The following TJP1 variants were observed in gnomAD, a reference collection of about 807,000 sequenced individuals.
The protein encoded by TJP1 is tight junction protein ZO-1.
TJP1 carries 43 observed loss-of-function variants against 194.2 expected under a neutral mutation model. The observed-to-expected ratio is 0.22, with a 90% CI of 0.17 to 0.29. The LOEUF is 0.29. Ranked by LOEUF, TJP1 falls within the 10% of genes least tolerant of loss-of-function variation. The pLI, the probability that TJP1 is intolerant of heterozygous loss-of-function variation, is 1.00. For missense variants in TJP1, 1,971 were observed against 2,185.7 expected, an observed-to-expected ratio of 0.90 and a Z score of 1.96; for synonymous variants, 801 against 779.0, an observed-to-expected ratio of 1.03 and a Z score of -0.47.
chr15:29,836,598 T>C (rs555700011), intron 2 of TJP1, among the ~76,000 whole-genome samples: 1 of 152,278 alleles, frequency 6.6e-6, no homozygotes, highest in South Asian at 2.1e-4. Flanking sequence ...AGAGTCAACC[T>C]GGGACACAGT....
rs758417874 is a variant in TJP1 at position 29,720,696 on chromosome 15, T to C, written c.2425A>G (p.Thr809Ala). 6.9e-6 allele frequency: 11 copies of C among 1,599,418 alleles called. No individual in the cohort carries two copies. The highest frequency in any genetic ancestry group is 1.1e-5 in the South Asian group (1 of 89,066). ...TCATGCAAATCAAGGTCATCACTTG[T>C]AGCACCATCCGCCTGGGTCAAATAA... ...WVSEGKADGA[T>A]SDDLDLHDDR... Residue 809 changes from threonine to alanine, a missense_variant, in exon 19 of 28, where the codon ACA becomes GCA. Around this residue, in one of 5 missense-constraint regions of TJP1, gnomAD observed 402 missense variants for 484.2 expected, o/e 0.83. Coordinates refer to ENST00000614355, the MANE Select transcript of TJP1 (RefSeq NM_001330239.4).
chr15:29,777,216 T>A (rs2047072140), intron 2 of TJP1, among the ~76,000 whole-genome samples: 1 of 152,218 alleles, frequency 6.6e-6, no homozygotes, highest in Non-Finnish European at 1.5e-5. Flanking sequence ...ACTGAAATTG[T>A]TCTTTTAATC....
chr15:29,906,106 G>A (rs1405654655), intron 2 of TJP1, among the ~76,000 whole-genome samples: 1 of 152,138 alleles, frequency 6.6e-6, no homozygotes, highest in Non-Finnish European at 1.5e-5. Context: ...CTATGCCTAC[G>A]TGGGTGCAAG....
intron 2 of TJP1, among the ~76,000 whole-genome samples, chr15:29,867,288 G>T (rs1394717658): frequency 6.6e-6 from 1 of 152,092 alleles, no homozygotes; most frequent in African/African-American, 2.4e-5. Context: ...TTATGAGCAA[G>T]AAATCAACTG....
rs1310162898 is a variant in TJP1 at position 29,734,326 on chromosome 15, A to G, written c.1464T>C (p.Leu488=). ...TCACTTCTTCTCCTTTAGGGAGGTCAAGCAGGAAAAGGACGGCTTCTTCTC... is the reference window on the plus strand; with the variant it reads ...TCACTTCTTCTCCTTTAGGGAGGTCGAGCAGGAAAAGGACGGCTTCTTCTC... ...IIREEAVLFL[L]DLPKGEEVTI... The change falls in exon 12 of 28, where the codon CTT becomes CTC. Residue 488 remains leucine, a synonymous_variant. Coordinates refer to ENST00000614355, the MANE Select transcript of TJP1 (RefSeq NM_001330239.4). 1 of 1,613,468 alleles carries G rather than the reference A, an allele frequency of 6.2e-7. No individual in the cohort carries two copies. The highest frequency in any genetic ancestry group is 2.2e-5 in the East Asian group (1 of 44,772).
chr15:29,966,571 A>G (rs1248942349), intron 1 of TJP1, among the ~76,000 whole-genome samples: 1 of 152,134 alleles, frequency 6.6e-6, no homozygotes, highest in Non-Finnish European at 1.5e-5. Flanking sequence ...ATTTCCTAAC[A>G]TATTATTTCC....
At chr15:29,788,434 G>A (rs1440307667) in intron 2 of TJP1, among the ~76,000 whole-genome samples, 1 of 152,188 alleles carries the variant, frequency 6.6e-6, no homozygotes, top group African/African-American at 2.4e-5. Flanking sequence ...GAGGTTTAGA[G>A]TTTAAGCTCT....
intron 2 of TJP1, among the ~76,000 whole-genome samples, chr15:29,906,543 G>T (rs2152212178): frequency 6.6e-6 from 1 of 150,786 alleles, no homozygotes; most frequent in South Asian, 2.1e-4. Flanking sequence ...ATTAAAAAAT[G>T]TTCTTGAAAA....
In TJP1 at chr15:29,726,807, C is replaced by A. The variant is rs774200321; in HGVS notation, c.2285G>T (p.Arg762Leu). ...TGTAAAAAGATGGTGATTATTTTTA[C>A]GAAGTTTATGAGATCGCTCGTATAA... ...RKLYERSHKL[R>L]KNNHHLFTTT... Residue 762 changes from arginine (R) to leucine (L), a missense_variant, in exon 17 of 28, where the codon CGT becomes CTT. Coordinates refer to ENST00000614355, the MANE Select transcript of TJP1 (RefSeq NM_001330239.4). The A allele has an allele frequency of 1.1e-5, 18 of 1,614,028 alleles. No individual in the cohort carries two copies. The highest frequency in any genetic ancestry group is 1.5e-5 in the Non-Finnish European group (18 of 1,179,996).
At chr15:29,905,048 T>C (rs183929130) in intron 2 of TJP1, among the ~76,000 whole-genome samples, 1 of 152,336 alleles carries the variant, frequency 6.6e-6, no homozygotes, top group East Asian at 1.9e-4. Context: ...CCTCCAGAAC[T>C]GTGAAAGGAT....
At chr15:29,799,484 G>C (rs933747440) in intron 2 of TJP1, among the ~76,000 whole-genome samples, 2 of 150,934 alleles carry the variant, frequency 1.3e-5, no homozygotes, top group African/African-American at 4.9e-5. Context: ...GCATGATCTC[G>C]GCTCACTGCA....
At chr15:29,711,166 G>A (rs540222026) in intron 23 of TJP1, among the ~76,000 whole-genome samples, 166 bp from the exon 24 acceptor site, 15 of 151,670 alleles carry the variant, frequency 9.9e-5, no homozygotes, top group African/African-American at 3.6e-4. Flanking sequence ...AAACAGATTC[G>A]ACCATTCATC....
At chr15:29,730,043 G>A (rs564228898) in intron 15 of TJP1, among the ~76,000 whole-genome samples, 1 of 151,934 alleles carries the variant, frequency 6.6e-6, no homozygotes, top group Admixed American at 6.6e-5. Flanking sequence ...CGAAACAAAC[G>A]ATATAAAAAA....
In TJP1 at chr15:29,736,506, A is replaced by C. The variant is rs552179796; in HGVS notation, c.1407+758T>G. ...AGAAGCAGAATAAATGTAGGAGCTCACAATGGACAGATACCTTCTGATTAA... is the reference window on the plus strand; with the variant it reads ...AGAAGCAGAATAAATGTAGGAGCTCCCAATGGACAGATACCTTCTGATTAA... On this transcript the variant is annotated intron_variant, in intron 11 of 27. Coordinates refer to ENST00000614355, the MANE Select transcript of TJP1 (RefSeq NM_001330239.4). Among the ~76,000 whole-genome samples the C allele has an allele frequency of 2.0e-5, 3 of 152,360 alleles. No individual in the cohort carries two copies. In the South Asian group the frequency reaches 6.2e-4, roughly 32 times the overall value.
chr15:29,902,839 T>G (rs1372942279), intron 2 of TJP1, among the ~76,000 whole-genome samples: 1 of 152,090 alleles, frequency 6.6e-6, no homozygotes, highest in African/African-American at 2.4e-5. Flanking sequence ...ATCGAGACCA[T>G]CCTGGCCAAC....
At chr15:29,734,947 A>G (rs572263640) in intron 11 of TJP1, among the ~76,000 whole-genome samples, 1 of 152,310 alleles carries the variant, frequency 6.6e-6, no homozygotes, top group Admixed American at 6.5e-5. Context: ...GTAAAATTTA[A>G]CCAGTTTAGA....
At chr15:29,864,333 C>T (rs560729653) in intron 2 of TJP1, among the ~76,000 whole-genome samples, 2 of 148,426 alleles carry the variant, frequency 1.3e-5, no homozygotes, top group African/African-American at 5.0e-5. Context: ...ATTGGGTGAA[C>T]CCGGGAGTCA....
chr15:29,942,050 C>G (rs1055230858), intron 2 of TJP1, among the ~76,000 whole-genome samples: 1 of 152,206 alleles, frequency 6.6e-6, no homozygotes, highest in African/African-American at 2.4e-5. Flanking sequence ...CCAGGAACTG[C>G]TTTCATGAGA....
intron 2 of TJP1, among the ~76,000 whole-genome samples, chr15:29,848,494 GATACATTTTATA>G (rs1204287506): frequency 3.9e-5 from 6 of 152,190 alleles, no homozygotes; most frequent in Non-Finnish European, 7.3e-5. Flanking sequence ...TAGACAGCCT[GATACATTTTATA>G]GTAGTAACAG....
Sources: allele counts gnomAD v4.1 joint callset (sites outside exome capture counted in the v4.1 genomes callset), GRCh38; gene constraint gnomAD v4.1.1; regional missense constraint gnomAD v4.1.1; transcripts MANE v1.5; gene names NCBI Gene and HGNC (gene_info 2026-07-23, HGNC 2026-07-21).